Variants in MKX observed in about 807,000 individuals in gnomAD.
MKX encodes the protein homeobox protein Mohawk.
MKX carries 13 observed loss-of-function variants against 36.0 expected under a neutral mutation model. The observed-to-expected ratio is 0.36, with a 90% CI of 0.24 to 0.57. The LOEUF (loss-of-function observed/expected upper bound fraction) is 0.57, where lower values mean the gene tolerates loss of function less well. Ranked by LOEUF, MKX falls within the 20% of genes least tolerant of loss-of-function variation. MKX has a pLI of 0.79. For synonymous variants in MKX, 176 were observed against 178.3 expected, an observed-to-expected ratio of 0.99 and a Z score of 0.10; for missense variants, 458 against 456.4, an observed-to-expected ratio of 1.00 and a Z score of -0.03.
intron 5 of MKX, among the ~76,000 whole-genome samples, chr10:27,696,968 CCTTTTCACAA>C (rs1182339358): frequency 3.3e-5 from 5 of 152,296 alleles, no homozygotes; most frequent in Middle Eastern, 3.4e-3. Flanking sequence ...TTATACCCAT[CCTTTTCACAA>C]CTTTTCACAA....
chr10:27,683,493 A>C (rs1836291740), intron 5 of MKX, among the ~76,000 whole-genome samples: 1 of 152,244 alleles, frequency 6.6e-6, no homozygotes, highest in African/African-American at 2.4e-5. Flanking sequence ...CCCTGCTGTT[A>C]AGCAACACAT....
chr10:27,738,578 ATAGT>A (rs1834827510), intron 3 of MKX, among the ~76,000 whole-genome samples: 2 of 152,044 alleles, frequency 1.3e-5, no homozygotes, highest in African/African-American at 2.4e-5. Context: ...AATATGGGAG[ATAGT>A]TAGATATGAC....
At chr10:27,678,125 G>A (rs1281368256) in intron 5 of MKX, among the ~76,000 whole-genome samples, 1 of 152,160 alleles carries the variant, frequency 6.6e-6, no homozygotes, top group African/African-American at 2.4e-5. Context: ...TTTGTGTATG[G>A]ATAGCATGTC....
chr10:27,743,340 C>T lies in MKX; in HGVS notation c.76G>A (p.Gly26Ser), dbSNP rs1365142779. 7 of 1,583,020 alleles carry T rather than the reference C, an allele frequency of 4.4e-6. No homozygotes were observed. The African/African-American group carries it at 9.6e-5, about 22-fold the overall frequency. ...AGGACACCGCTGTAGGGCCGGCCAC[C>T]CCGCTCCCGCTCCGAGGCGCCTCCG... ...EDGGASERER[G>S]GRPYSGVLDS... The change falls in exon 2 of 7, where the codon GGT (glycine) becomes AGT (serine). Residue 26 changes from glycine (G) to serine (S), a missense_variant. Coordinates refer to ENST00000419761, the MANE Select transcript of MKX (RefSeq NM_173576.3).
At chr10:27,729,927 C>T (rs1194843877) in intron 5 of MKX, among the ~76,000 whole-genome samples, 1 of 151,660 alleles carries the variant, frequency 6.6e-6, no homozygotes, top group Non-Finnish European at 1.5e-5. Flanking sequence ...GATATTACAC[C>T]GGGGGTCCTT....
intron 5 of MKX, among the ~76,000 whole-genome samples, chr10:27,726,940 T>C (rs561685765): frequency 4.3e-4 from 65 of 152,220 alleles, no homozygotes; most frequent in African/African-American, 1.5e-3. Context: ...AAAGACACGG[T>C]AATAAGCACT....
chr10:27,681,615 C>T (rs1158946983), intron 5 of MKX, among the ~76,000 whole-genome samples: 1 of 151,806 alleles, frequency 6.6e-6, no homozygotes, highest in Non-Finnish European at 1.5e-5. Flanking sequence ...TGCTCCTTCA[C>T]CTTAGATTTA....
Position 27,743,504 on chromosome 10 carries a change from G to T in MKX, c.-82-7C>A. On this transcript the variant is annotated splice_region_variant and splice_polypyrimidine_tract_variant and intron_variant, in intron 1 of 6. Transcript: ENST00000419761. ...CCGCAGCGGGGCTCGGCTTCTAGGA[G>T]AGGAAGGTGCATCTCGTTACTTACT... The T allele has an allele frequency of 2.2e-6, 3 of 1,337,712 alleles. No individual in the cohort carries two copies. Among genetic ancestry groups the T allele is most frequent in the Non-Finnish European group, 3.0e-6 (3 of 1,004,784 alleles). 82.9% of individuals were successfully genotyped at this position (1,337,712 alleles called of 1,614,324 possible).
chr10:27,720,542 A>G (rs1834354212), intron 5 of MKX, among the ~76,000 whole-genome samples: 1 of 152,194 alleles, frequency 6.6e-6, no homozygotes, highest in South Asian at 2.1e-4. Flanking sequence ...GACAATCTTA[A>G]AAACTATAGA....
chr10:27,675,376 A>G lies in MKX; in HGVS notation c.912T>C (p.Tyr304=), dbSNP rs1354654706. The G allele has an allele frequency of 6.2e-7, 1 of 1,614,054 alleles. No individual in the cohort carries two copies. The highest frequency in any genetic ancestry group is 8.5e-7 in the Non-Finnish European group (1 of 1,180,058). Residue 304 remains tyrosine (Y), a synonymous_variant, in exon 7 of 7, where the codon TAT becomes TAC. Coordinates refer to ENST00000419761, the MANE Select transcript of MKX (RefSeq NM_173576.3). ...NRKGPSKDDT[Y]WKEINAAMAL... is the part of the protein sequence containing the mutation. ...CCATAGCTGCGTTGATCTCCTTCCA[A>G]TACGTGTCATCCTTGCTTGGTCCTT...
chr10:27,682,218 A>T (rs977924771), intron 5 of MKX, among the ~76,000 whole-genome samples: 3 of 152,362 alleles, frequency 2.0e-5, no homozygotes, highest in African/African-American at 7.2e-5. Flanking sequence ...AATAGGATAT[A>T]AAGAAAATAT....
At chr10:27,700,943 T>G (rs975621200) in intron 5 of MKX, among the ~76,000 whole-genome samples, 1 of 152,178 alleles carries the variant, frequency 6.6e-6, no homozygotes, top group African/African-American at 2.4e-5. Flanking sequence ...AAATTTTAAT[T>G]TTTGTGGGTA....
chr10:27,690,604 G>T (rs551114000), intron 5 of MKX, among the ~76,000 whole-genome samples: 1 of 152,068 alleles, frequency 6.6e-6, no homozygotes, highest in Non-Finnish European at 1.5e-5. Context: ...CACCTACTTC[G>T]TACGGTTGCT....
intron 3 of MKX, among the ~76,000 whole-genome samples, chr10:27,740,551 T>C: frequency 6.6e-6 from 1 of 152,200 alleles, no homozygotes; most frequent in East Asian, 1.9e-4. Flanking sequence ...GCCTACAACA[T>C]CGTGGTTTTG....
At chr10:27,725,324 A>G (rs989296248) in intron 5 of MKX, among the ~76,000 whole-genome samples, 1 of 152,236 alleles carries the variant, frequency 6.6e-6, no homozygotes, top group African/African-American at 2.4e-5. Context: ...AAAGAGAGAA[A>G]AAGTTCATTA....
intron 5 of MKX, among the ~76,000 whole-genome samples, chr10:27,725,759 C>A (rs867895965): frequency 4.3e-4 from 65 of 151,932 alleles, no homozygotes; most frequent in African/African-American, 1.4e-3. Context: ...GTAAAAACTT[C>A]TTGAAATTCT....
intron 5 of MKX, among the ~76,000 whole-genome samples, chr10:27,716,752 A>G (rs1836972683): frequency 6.6e-6 from 1 of 152,220 alleles, no homozygotes; most frequent in African/African-American, 2.4e-5. Flanking sequence ...TGTACGGGCC[A>G]AACCTTACCC....
intron 5 of MKX, among the ~76,000 whole-genome samples, chr10:27,691,522 G>A (rs1344610176): frequency 6.6e-6 from 1 of 152,098 alleles, no homozygotes; most frequent in Admixed American, 6.5e-5. Context: ...TCTTACGCCT[G>A]TATCGAATGA....
intron 5 of MKX, among the ~76,000 whole-genome samples, chr10:27,687,603 C>T (rs1209443075): frequency 3.9e-5 from 6 of 152,236 alleles, no homozygotes; most frequent in African/African-American, 1.2e-4. Flanking sequence ...GTGCAGGAAG[C>T]GGGACTTGCA....
Sources: gnomAD v4.1 joint callset for allele counts (sites outside exome capture counted in the v4.1 genomes callset) on GRCh38, gnomAD v4.1.1 for gene constraint, MANE v1.5 for transcripts, NCBI Gene and HGNC (gene_info 2026-07-23, HGNC 2026-07-21) for gene names.